Variants in AHCYL1 observed in about 807,000 individuals in gnomAD.
AHCYL1 encodes the protein S-adenosylhomocysteine hydrolase-like protein 1.
Under a neutral mutation model 79.3 loss-of-function variants are expected in AHCYL1, and 20 were observed. The observed-to-expected ratio is 0.25, with a 90% CI of 0.18 to 0.37. The LOEUF (loss-of-function observed/expected upper bound fraction) is 0.37. Among genes scored for constraint, AHCYL1 ranks in the 10% least tolerant of loss-of-function variants. The pLI is 1.00. For missense variants in AHCYL1, 330 were observed against 673.6 expected (o/e 0.49, Z 5.65); for synonymous variants, 223 against 242.2 (o/e 0.92, Z 0.74).
At chr1:109,994,060 T>C (rs1649897608) in intron 1 of AHCYL1, among the ~76,000 whole-genome samples, 1 of 152,224 alleles carries the variant, frequency 6.6e-6, no homozygotes, top group Non-Finnish European at 1.5e-5. Flanking sequence ...AGTTTGATGC[T>C]CAAAAGCTAT....
chr1:109,990,855 C>A lies in AHCYL1; in HGVS notation c.120+5683C>A, dbSNP rs553080421. Among the ~76,000 whole-genome samples the A allele has an allele frequency of 2.6e-5, 4 of 152,276 alleles. No homozygotes were observed. The East Asian group carries it at 7.7e-4, about 29-fold the overall frequency. On this transcript the variant is annotated intron_variant, in intron 1 of 16. Coordinates refer to ENST00000369799, the MANE Select transcript of AHCYL1 (RefSeq NM_006621.7). ...TTTGGGGTTTTCCCAAACTAGAATC[C>A]TTGAATTACATGAAATAATTGCAAA...
At chr1:109,998,468 T>A (rs1201503305) in intron 1 of AHCYL1, among the ~76,000 whole-genome samples, 1 of 151,988 alleles carries the variant, frequency 6.6e-6, no homozygotes, top group Admixed American at 6.5e-5. Context: ...AAAATAAAAA[T>A]AAAATAAATA....
At chr1:110,002,461 T>C (rs1386061826) in intron 1 of AHCYL1, among the ~76,000 whole-genome samples, 2 of 152,204 alleles carry the variant, frequency 1.3e-5, no homozygotes, top group African/African-American at 4.8e-5. Context: ...TAATGTATAA[T>C]TAAGTGTAAT....
chr1:109,985,735 C>T (rs537844486), intron 1 of AHCYL1, among the ~76,000 whole-genome samples: 61 of 152,284 alleles, frequency 4.0e-4, no homozygotes, highest in African/African-American at 1.4e-3. Flanking sequence ...ATTCCAATTA[C>T]TTCGAAATAT....
intron 1 of AHCYL1, among the ~76,000 whole-genome samples, chr1:110,007,525 T>C (rs1229542818): frequency 2.0e-5 from 3 of 152,198 alleles, no homozygotes; most frequent in African/African-American, 4.8e-5. Flanking sequence ...ACCTGATTGC[T>C]GCACTGCAAT....
Position 110,015,582 on chromosome 1 carries a change from TC to T in AHCYL1, c.782+53del, listed in dbSNP as rs780401097. 1.8e-5 allele frequency: 26 copies of T among 1,442,448 alleles called. No homozygotes were observed. In the East Asian group the frequency reaches 5.0e-4, roughly 28 times the overall value. 89.4% of individuals were successfully genotyped at this position (1,442,448 alleles called of 1,614,324 possible). A position where few individuals can be genotyped will look rare whatever the true frequency, so the allele number is the denominator to read the frequency against. ...CTTGTGTCCTTGCCTCAGCAAACTC[TC>T]CTGGTCTCTGTTAGGCTTTAGGACT... is the stretch of plus-strand genomic sequence containing the variant. On this transcript the variant is annotated intron_variant, in intron 7 of 16. Transcript: ENST00000369799.
chr1:110,014,979 TGTTTAGCTTGATACCTATTCAGAATGG>T, intron 6 of AHCYL1, 122 bp downstream of exon 6: 1 of 897,470 alleles, frequency 1.1e-6, no homozygotes, highest in Non-Finnish European at 1.8e-6. Context: ...GTTGCTAAAG[TGTTTAGCTTGATACCTATTCAGAATGG>T]GTCTGAGTAC....
intron 14 of AHCYL1, 129 bp from the exon 15 acceptor site, chr1:110,019,419 A>G (rs534460993): frequency 1.4e-5 from 12 of 846,114 alleles, no homozygotes; most frequent in Non-Finnish European, 2.3e-5. Flanking sequence ...AGTATAGGCA[A>G]AGTCCTAGGT....
chr1:110,009,810 A>T (rs972029982), intron 2 of AHCYL1, among the ~76,000 whole-genome samples: 1 of 152,240 alleles, frequency 6.6e-6, no homozygotes, highest in Non-Finnish European at 1.5e-5. Flanking sequence ...ATGGAAAAGA[A>T]TATAGAATCT....
chr1:110,017,729 TA>T, intron 10 of AHCYL1, 146 bp downstream of exon 10: 1 of 1,025,818 alleles, frequency 9.7e-7, no homozygotes, highest in Non-Finnish European at 1.4e-6. Context: ...ACTCTAACCC[TA>T]GGGCTCTCTG....
At chr1:110,011,004 G>T (rs994222014) in intron 2 of AHCYL1, among the ~76,000 whole-genome samples, 1 of 152,186 alleles carries the variant, frequency 6.6e-6, no homozygotes, top group African/African-American at 2.4e-5. Flanking sequence ...GTTAGGGTGG[G>T]TGAAAGAGCT....
chr1:110,018,347 C>T, intron 11 of AHCYL1, 26 bp from the exon 12 acceptor site: 1 of 1,611,116 alleles, frequency 6.2e-7, no homozygotes, highest in Non-Finnish European at 8.5e-7. Flanking sequence ...GCATCTCTTT[C>T]CTTAACCACC....
intron 3 of AHCYL1, among the ~76,000 whole-genome samples, 179 bp downstream of exon 3, chr1:110,011,536 CTCTT>C (rs1280207676): frequency 3.9e-5 from 6 of 152,234 alleles, no homozygotes; most frequent in Admixed American, 2.0e-4. Flanking sequence ...ATTTTGTTCT[CTCTT>C]CCTTCTGTTC....
intron 1 of AHCYL1, among the ~76,000 whole-genome samples, chr1:110,007,156 C>G (rs1650705697): frequency 6.6e-6 from 1 of 152,126 alleles, no homozygotes; most frequent in Admixed American, 6.5e-5. Context: ...TTGCAGTTCC[C>G]TCCCCCACCC....
rs188444968 is a variant in AHCYL1 at position 110,008,048 on chromosome 1, A to T, written c.121-986A>T. 3.2e-3 allele frequency among the ~76,000 whole-genome samples: 380 copies of T among 118,718 alleles called. 2 individuals are homozygous for T. Among genetic ancestry groups the T allele is most frequent in the African/African-American group, 0.012 (364 of 30,832 alleles). The allele number at this position is 118,718 out of a possible 152,430, so 77.9% of individuals were successfully genotyped here. On this transcript the variant is annotated intron_variant, in intron 1 of 16. Coordinates refer to ENST00000369799, the MANE Select transcript of AHCYL1 (RefSeq NM_006621.7). ...TTTTTTTTTTTTTTTTTTGAGACAG[A>T]GTCTCACTCTGTCACCCAGGCTGGA...
At chr1:110,017,161 T>C (rs1399328170) in intron 9 of AHCYL1, among the ~76,000 whole-genome samples, 1 of 152,316 alleles carries the variant, frequency 6.6e-6, no homozygotes, top group African/African-American at 2.4e-5. Context: ...GCTACGAGGG[T>C]ATCCTTGAGT....
At chr1:109,993,293 G>T (rs12077057) in intron 1 of AHCYL1, among the ~76,000 whole-genome samples, 4,542 of 152,084 alleles carry the variant, frequency 0.03, 236 homozygotes, top group African/African-American at 0.1. Flanking sequence ...AAAATAGGTT[G>T]GATTTCAATG....
intron 1 of AHCYL1, among the ~76,000 whole-genome samples, chr1:110,005,417 T>G (rs1407244241): frequency 6.6e-6 from 1 of 152,198 alleles, no homozygotes; most frequent in African/African-American, 2.4e-5. Context: ...GCAGTGAAAT[T>G]CCATGCCAAA....
At chr1:109,990,661 G>T (rs1316254233) in intron 1 of AHCYL1, among the ~76,000 whole-genome samples, 2 of 152,162 alleles carry the variant, frequency 1.3e-5, no homozygotes, top group African/African-American at 4.8e-5. Flanking sequence ...AACTACAGGG[G>T]TGGGGTGTGT....
Sources: gnomAD v4.1 joint callset for allele counts (sites outside exome capture counted in the v4.1 genomes callset) on GRCh38, gnomAD v4.1.1 for gene constraint, MANE v1.5 for transcripts, NCBI Gene and HGNC (gene_info 2026-07-23, HGNC 2026-07-21) for gene names.